The following PIGZ variants were observed in gnomAD, a reference collection of about 807,000 sequenced individuals.
PIGZ encodes the protein GPI alpha-1,2-mannosyltransferase 4.
Under a neutral mutation model 16.4 loss-of-function variants are expected in PIGZ, and 16 were observed. That is an observed-to-expected ratio of 0.97 (90% confidence interval 0.66 to 1.48). PIGZ has a LOEUF of 1.48. Among genes scored for constraint, PIGZ ranks in the 40% most tolerant of loss-of-function variants. PIGZ has a pLI of 0.00. For missense variants in PIGZ, 770 were observed against 739.2 expected, an observed-to-expected ratio of 1.04 and a Z score of -0.48; for synonymous variants, 409 against 338.4, an observed-to-expected ratio of 1.21 and a Z score of -2.29.
intron 1 of PIGZ, among the ~76,000 whole-genome samples, chr3:196,954,575 G>C (rs1717409569): frequency 6.6e-6 from 1 of 151,828 alleles, no homozygotes; most frequent in Non-Finnish European, 1.5e-5. Flanking sequence ...ACTCTTTTGG[G>C]TGATTATTTC....
rs755472245 is a variant in PIGZ at position 196,947,500 on chromosome 3, T to C, written c.1397A>G (p.Tyr466Cys). The C allele has an allele frequency of 6.2e-7, 1 of 1,613,522 alleles. No homozygotes were observed. Among genetic ancestry groups the C allele is most frequent in the Non-Finnish European group, 8.5e-7 (1 of 1,179,958 alleles). ...THYTLLFTHT[Y>C]MPPRHLLHLP... Reference sequence around the variant, plus strand: ...GTGTAGGAGGTGCCGGGGGGGCATGTAGGTGTGAGTGAAGAGGAGTGTGTA... The same window carrying C: ...GTGTAGGAGGTGCCGGGGGGGCATGCAGGTGTGAGTGAAGAGGAGTGTGTA... The change falls in exon 3 of 3, where the codon TAC becomes TGC. Residue 466 changes from tyrosine to cysteine, a missense_variant. Transcript: ENST00000412723.
In PIGZ at chr3:196,947,533, G is replaced by T. The variant is rs751514429; in HGVS notation, c.1364C>A (p.Pro455His). ...VVHAPVLPSTPTHYTLLFTHT... is the reference protein window; with the variant it reads ...VVHAPVLPSTHTHYTLLFTHT... ...AGTGAAGAGGAGTGTGTAGTGGGTG[G>T]GTGTGCTTGGGAGCACAGGGGCATG... The change falls in exon 3 of 3, where the codon CCC becomes CAC. Residue 455 changes from proline (P) to histidine (H), a missense_variant. Transcript: ENST00000412723. 9 of 1,613,582 alleles carry T rather than the reference G, an allele frequency of 5.6e-6. No homozygotes were observed. In the South Asian group the frequency reaches 7.7e-5, roughly 14 times the overall value.
chr3:196,949,563 G>A (rs1377918095), intron 2 of PIGZ, among the ~76,000 whole-genome samples: 2 of 152,194 alleles, frequency 1.3e-5, no homozygotes, highest in Non-Finnish European at 2.9e-5. Flanking sequence ...CAGTCCATAC[G>A]CTGATGTCCA....
chr3:196,947,853 A>C lies in PIGZ; in HGVS notation c.1044T>G (p.Ser348=), dbSNP rs1254584673. Reference sequence around the variant, plus strand: ...GTGCCCTCAGGAGGCCCATTTGTGCAGAGGCCTGGAGGCCGACTTGCAGCC... The same window carrying C: ...GTGCCCTCAGGAGGCCCATTTGTGCCGAGGCCTGGAGGCCGACTTGCAGCC... ...WQRLQVGLQA[S]AQMGLLRALG... The change falls in exon 3 of 3, where the codon TCT becomes TCG. Residue 348 remains serine (S), a synonymous_variant. Transcript: ENST00000412723. The C allele has an allele frequency of 6.2e-7, 1 of 1,613,462 alleles. No individual in the cohort carries two copies. Among genetic ancestry groups the C allele is most frequent in the African/African-American group, 1.3e-5 (1 of 74,936 alleles).
intron 2 of PIGZ, among the ~76,000 whole-genome samples, chr3:196,950,486 A>G (rs1220215755): frequency 6.6e-6 from 1 of 152,194 alleles, no homozygotes; most frequent in East Asian, 1.9e-4. Context: ...CGAGCTGATC[A>G]TACAGCCTGC....
intron 1 of PIGZ, among the ~76,000 whole-genome samples, chr3:196,956,007 G>T (rs1717471249): frequency 6.6e-6 from 1 of 150,876 alleles, no homozygotes; most frequent in African/African-American, 2.4e-5. Flanking sequence ...TTCTCTAACA[G>T]TTTGGAAGTT....
chr3:196,960,546 C>A (rs1717668021), intron 1 of PIGZ, among the ~76,000 whole-genome samples: 1 of 151,932 alleles, frequency 6.6e-6, no homozygotes, highest in South Asian at 2.1e-4. Context: ...GTGGTGTGCA[C>A]CTGTAATCCC....
chr3:196,967,979 G>C (rs549919790), intron 1 of PIGZ, among the ~76,000 whole-genome samples: 1 of 152,182 alleles, frequency 6.6e-6, no homozygotes, highest in African/African-American at 2.4e-5. Context: ...AGGTGTCTGG[G>C]GCTGACGAAT....
At chr3:196,963,745 T>C (rs1717811224) in intron 1 of PIGZ, among the ~76,000 whole-genome samples, 1 of 152,260 alleles carries the variant, frequency 6.6e-6, no homozygotes, top group African/African-American at 2.4e-5. Context: ...GAGGATCAGC[T>C]AGCTGTGTGG....
At position 196,948,981 on chromosome 3, in the gene PIGZ, C is replaced by A. The variant is rs1318207330; in HGVS notation, c.212-296G>T. Among the ~76,000 whole-genome samples, 227 of 61,446 alleles carry A rather than the reference C, an allele frequency of 3.7e-3. 61 individuals carry two copies. The highest frequency in any genetic ancestry group is 0.029 in the African/African-American group (211 of 7,306). 40.3% of individuals were successfully genotyped at this position (61,446 alleles called of 152,430 possible). ...CCCTTCCTTCCCTTCCCCTCCCCTC[C>A]CTTCCCTTCCTTCCCTTTACTTCTC... On this transcript the variant is annotated intron_variant, in intron 2 of 2. Coordinates refer to ENST00000412723, the MANE Select transcript of PIGZ (RefSeq NM_025163.4).
chr3:196,968,552 T>A (rs753697584), intron 1 of PIGZ, 135 bp downstream of exon 1: 1 of 152,082 alleles, frequency 6.6e-6, no homozygotes, highest in Middle Eastern at 3.2e-3. Flanking sequence ...GGCCCCCAGC[T>A]CCCCTGCCCT....
At position 196,947,385 on chromosome 3, in the gene PIGZ, T is replaced by A; in HGVS notation, c.1512A>T (p.Arg504Ser). The A allele has an allele frequency of 6.2e-7, 1 of 1,614,104 alleles. No individual in the cohort carries two copies. The highest frequency in any genetic ancestry group is 8.5e-7 in the Non-Finnish European group (1 of 1,180,018). ...CACCAGCCACTTGGCAGGCTGGTTG[T>A]CTGGTGAAGCTTTTCAGGGTTTGGC... ...ALCQTLKSFT[R>S]QPACQVAGGP... Residue 504 changes from arginine (R) to serine (S), a missense_variant, in exon 3 of 3, where the codon AGA becomes AGT. By Grantham distance (110) the Arg-to-Ser change is moderately radical (BLOSUM62 -1). Coordinates refer to ENST00000412723, the MANE Select transcript of PIGZ (RefSeq NM_025163.4).
chr3:196,964,272 A>AT (rs11397373), intron 1 of PIGZ, among the ~76,000 whole-genome samples: 19,109 of 151,992 alleles, frequency 0.13, 1,472 homozygotes, highest in African/African-American at 0.21. Flanking sequence ...GATGGTCTCG[A>AT]TCTCCTGACC....
chr3:196,960,539 G>A (rs1048168398), intron 1 of PIGZ, among the ~76,000 whole-genome samples: 2 of 151,986 alleles, frequency 1.3e-5, no homozygotes, highest in African/African-American at 4.8e-5. Flanking sequence ...GGGCGTGGTG[G>A]TGTGCACCTG....
At position 196,948,240 on chromosome 3, in the gene PIGZ, A is replaced by G. The variant is rs765028043; in HGVS notation, c.657T>C (p.Ile219=). Residue 219 remains isoleucine (I), a synonymous_variant, in exon 3 of 3, where the codon ATT becomes ATC. Coordinates refer to ENST00000412723, the MANE Select transcript of PIGZ (RefSeq NM_025163.4). The part of the protein sequence containing the change: ...PRWRSWLLGG[I]VAAGFFNRPT... ...GCCGGTTGAAGAAGCCAGCAGCCACAATGCCTCCAAGAAGCCAGCTGCGCC... is the reference window on the plus strand; with the variant it reads ...GCCGGTTGAAGAAGCCAGCAGCCACGATGCCTCCAAGAAGCCAGCTGCGCC... 8.1e-6 allele frequency: 13 copies of G among 1,614,010 alleles called. 1 individual carries two copies. The Admixed American group carries it at 1.3e-4, about 17-fold the overall frequency.
At chr3:196,955,414 A>C (rs534175773) in intron 1 of PIGZ, among the ~76,000 whole-genome samples, 1 of 152,188 alleles carries the variant, frequency 6.6e-6, no homozygotes, top group South Asian at 2.1e-4. Flanking sequence ...CCTTATTGGA[A>C]AATTGAATAT....
In PIGZ at chr3:196,948,899, C is replaced by T. The variant is rs146539157; in HGVS notation, c.212-214G>A. ...TCCTTCCCTTCCTTCCCCTTCCTTCCCTTCCCCTCCCCTCCCTTCCCTTCC... is the reference window on the plus strand; with the variant it reads ...TCCTTCCCTTCCTTCCCCTTCCTTCTCTTCCCCTCCCCTCCCTTCCCTTCC... On this transcript the variant is annotated intron_variant, in intron 2 of 2. Transcript: ENST00000412723. Among the ~76,000 whole-genome samples, 197 of 31,116 alleles carry T rather than the reference C, an allele frequency of 6.3e-3. 36 individuals are homozygous for T. The highest frequency in any genetic ancestry group is 0.035 in the African/African-American group (183 of 5,262). The allele number at this position is 31,116 out of a possible 152,430, so 20.4% of individuals were successfully genotyped here.
chr3:196,952,083 A>AACTG (rs1560184039), intron 1 of PIGZ, 52 bp from the exon 2 acceptor site: 1 of 1,476,964 alleles, frequency 6.8e-7, no homozygotes. Flanking sequence ...TAATATATTC[A>AACTG]ACTGTCTGAA....
At chr3:196,957,393 T>TC (rs1319481937) in intron 1 of PIGZ, among the ~76,000 whole-genome samples, 1 of 151,476 alleles carries the variant, frequency 6.6e-6, no homozygotes, top group Non-Finnish European at 1.5e-5. Context: ...TTTTTTTTTT[T>TC]TCTTTCCGAG....
Sources: allele counts gnomAD v4.1 joint callset (sites outside exome capture counted in the v4.1 genomes callset), GRCh38; gene constraint gnomAD v4.1.1; transcripts MANE v1.5; gene names NCBI Gene and HGNC (gene_info 2026-07-23, HGNC 2026-07-21).